The following DNAH9 variants were observed in gnomAD, a reference collection of about 807,000 sequenced individuals.
DNAH9 encodes the protein DNAH9 variant protein.
Under a neutral mutation model 471.6 loss-of-function variants are expected in DNAH9, and 345 were observed. The observed-to-expected ratio is 0.73, with a 90% confidence interval of 0.67 to 0.80. The LOEUF (loss-of-function observed/expected upper bound fraction) is 0.80. DNAH9 is among the 30% of genes least tolerant of loss of function. The pLI, the probability that DNAH9 is intolerant of heterozygous loss-of-function variation, is 0.00. For synonymous variants in DNAH9, 2,093 were observed against 2,123.6 expected (o/e 0.99, Z 0.40); for missense variants, 5,407 against 5,609.2 (o/e 0.96, Z 1.15).
Position 11,894,514 on chromosome 17 carries a change from G to A in DNAH9, c.11406+18G>A. On this transcript the variant is annotated intron_variant, in intron 59 of 68. Coordinates refer to ENST00000262442, the MANE Select transcript of DNAH9 (RefSeq NM_001372.4). ...CTGTCAAGGTCAGTATTGACCCCTAGAAAAAAGCCAAGCTCTCATCTCTCA... is the reference window on the plus strand; with the variant it reads ...CTGTCAAGGTCAGTATTGACCCCTAAAAAAAAGCCAAGCTCTCATCTCTCA... The A allele has an allele frequency of 6.2e-7, 1 of 1,605,486 alleles. No individual in the cohort carries two copies.
At position 11,652,820 on chromosome 17, in the gene DNAH9, C is replaced by A; in HGVS notation, c.2413C>A (p.Gln805Lys). 6.2e-7 allele frequency: 1 copy of A among 1,613,528 alleles called. No individual in the cohort carries two copies. Among genetic ancestry groups the A allele is most frequent in the South Asian group, 1.1e-5 (1 of 91,058 alleles). ...TATTCATGATCTTGAACAAAGAATT[C>A]AGAAAACTAAAGACAATGTGGAAGA... ...SSIHDLEQRI[Q>K]KTKDNVEEIQ... Residue 805 changes from glutamine (Q) to lysine (K), a missense_variant, in exon 14 of 69, where the codon CAG (glutamine) becomes AAG (lysine). Around this residue, in one of 3 missense-constraint regions of DNAH9, gnomAD observed 4,636 missense variants for 4,900.3 expected, o/e 0.95. Coordinates refer to ENST00000262442, the MANE Select transcript of DNAH9 (RefSeq NM_001372.4).
intron 54 of DNAH9, among the ~76,000 whole-genome samples, chr17:11,880,809 C>G (rs1166548454): frequency 6.6e-6 from 1 of 152,142 alleles, no homozygotes; most frequent in Non-Finnish European, 1.5e-5. Context: ...CATTTTCACC[C>G]ATAGATGTCA....
At chr17:11,922,973 A>G (rs1343767671) in intron 61 of DNAH9, among the ~76,000 whole-genome samples, 1 of 152,196 alleles carries the variant, frequency 6.6e-6, no homozygotes, top group Non-Finnish European at 1.5e-5. Context: ...CATAAAGAAT[A>G]GCATCAGCAA....
chr17:11,778,313 G>C (rs1355722503), intron 38 of DNAH9, among the ~76,000 whole-genome samples: 11 of 104,240 alleles, frequency 1.1e-4, no homozygotes, highest in Non-Finnish European at 1.8e-4. Context: ...CTGGGCGACA[G>C]AGTGAGACTC....
At chr17:11,860,036 C>T (rs1339029844) in intron 50 of DNAH9, among the ~76,000 whole-genome samples, 1 of 152,214 alleles carries the variant, frequency 6.6e-6, no homozygotes, top group Non-Finnish European at 1.5e-5. Flanking sequence ...TTTGTAATCA[C>T]CAAAACTGAG....
chr17:11,792,945 T>C (rs1969114509), intron 41 of DNAH9, among the ~76,000 whole-genome samples: 1 of 152,230 alleles, frequency 6.6e-6, no homozygotes, highest in African/African-American at 2.4e-5. Flanking sequence ...GGGATCATCA[T>C]GAGTATTAAA....
At chr17:11,697,528 CA>C (rs1746267923) in intron 22 of DNAH9, among the ~76,000 whole-genome samples, 1 of 152,158 alleles carries the variant, frequency 6.6e-6, no homozygotes, top group Non-Finnish European at 1.5e-5. Flanking sequence ...ATCCCTAAAA[CA>C]TGATGAGATT....
chr17:11,904,630 CAAAAA>C (rs202059757), intron 60 of DNAH9, among the ~76,000 whole-genome samples: 6 of 111,464 alleles, frequency 5.4e-5, no homozygotes, highest in East Asian at 6.3e-4. Flanking sequence ...GACTCCATCT[CAAAAA>C]AAAAAAAAAA....
chr17:11,818,428 T>TA (rs1555602557), intron 45 of DNAH9, among the ~76,000 whole-genome samples: 2,547 of 139,842 alleles, frequency 0.018, 64 homozygotes, highest in African/African-American at 0.055. Context: ...ACTCCGTATT[T>TA]AAAAAAAAAA....
chr17:11,745,563 ACACG>A (rs2075510868), intron 31 of DNAH9, among the ~76,000 whole-genome samples: 1 of 152,206 alleles, frequency 6.6e-6, no homozygotes, highest in Non-Finnish European at 1.5e-5. Context: ...AAACCCGACA[ACACG>A]CAAGATAAAG....
At chr17:11,919,609 G>A (rs975048807) in intron 61 of DNAH9, among the ~76,000 whole-genome samples, 5 of 151,998 alleles carry the variant, frequency 3.3e-5, no homozygotes, top group Admixed American at 1.3e-4. Flanking sequence ...AAAGCGCTTC[G>A]AAATTGAGAA....
intron 33 of DNAH9, among the ~76,000 whole-genome samples, chr17:11,755,108 C>G (rs1026401849): frequency 1.3e-5 from 2 of 152,146 alleles, no homozygotes; most frequent in African/African-American, 4.8e-5. Flanking sequence ...TTTTTGTCAG[C>G]TTTGTTGAAG....
intron 67 of DNAH9, among the ~76,000 whole-genome samples, chr17:11,942,902 T>TC (rs1241427347): frequency 1.3e-5 from 2 of 149,342 alleles, no homozygotes; most frequent in African/African-American, 4.9e-5. Flanking sequence ...TTTTCTTTTT[T>TC]TTTTTTTTTT....
intron 45 of DNAH9, among the ~76,000 whole-genome samples, chr17:11,816,403 A>T (rs996037626): frequency 3.3e-5 from 5 of 152,236 alleles, no homozygotes; most frequent in Non-Finnish European, 5.9e-5. Flanking sequence ...TTTAGGAGGT[A>T]CTTCTTTAAG....
chr17:11,844,955 G>C (rs1971163611), intron 49 of DNAH9, among the ~76,000 whole-genome samples: 1 of 151,404 alleles, frequency 6.6e-6, no homozygotes, highest in Non-Finnish European at 1.5e-5. Context: ...GTCTTCTTTT[G>C]AGAAGTGTCT....
chr17:11,645,326 A>G (rs144709134), intron 11 of DNAH9, among the ~76,000 whole-genome samples: 1 of 152,322 alleles, frequency 6.6e-6, no homozygotes, highest in African/African-American at 2.4e-5. Flanking sequence ...CAAGTAACAC[A>G]CATTCCACCC....
chr17:11,813,544 T>TA (rs1969994797), intron 45 of DNAH9, among the ~76,000 whole-genome samples: 1 of 152,154 alleles, frequency 6.6e-6, no homozygotes, highest in African/African-American at 2.4e-5. Context: ...AACCATAACT[T>TA]AGACAACCTT....
chr17:11,939,595 G>A (rs1043303028), intron 66 of DNAH9, among the ~76,000 whole-genome samples: 7 of 152,156 alleles, frequency 4.6e-5, no homozygotes, highest in African/African-American at 2.4e-5. Context: ...TGTCCACACC[G>A]CAGGTCAGCT....
chr17:11,825,998 A>G (rs1970474528), intron 48 of DNAH9, among the ~76,000 whole-genome samples: 1 of 152,228 alleles, frequency 6.6e-6, no homozygotes, highest in Admixed American at 6.5e-5. Context: ...GTAATAGGAC[A>G]TAATGAAGCC....
Sources: gnomAD v4.1 joint callset for allele counts (sites outside exome capture counted in the v4.1 genomes callset) on GRCh38, gnomAD v4.1.1 for gene constraint, gnomAD v4.1.1 regional missense constraint, MANE v1.5 for transcripts, NCBI Gene and HGNC (gene_info 2026-07-23, HGNC 2026-07-21) for gene names.